Variants in DLG2 observed in about 807,000 individuals in gnomAD.
DLG2 encodes discs large MAGUK scaffold protein 2.
Under a neutral mutation model 132.5 loss-of-function variants are expected in DLG2, and 45 were observed. The observed-to-expected ratio is 0.34, with a 90% CI of 0.27 to 0.44. DLG2 has a LOEUF of 0.44. Among genes scored for constraint, DLG2 ranks in the 20% least tolerant of loss-of-function variants. DLG2 has a pLI of 1.00. For missense variants in DLG2, 1,045 were observed against 1,196.9 expected (o/e 0.87, Z 1.87); for synonymous variants, 424 against 419.6 (o/e 1.01, Z -0.13).
intron 6 of DLG2, among the ~76,000 whole-genome samples, chr11:85,108,071 A>C (rs1307769645): frequency 1.3e-5 from 2 of 151,642 alleles, no homozygotes; most frequent in Non-Finnish European, 2.9e-5. Flanking sequence ...AGCCATTTTC[A>C]AGGCAATATG....
intron 6 of DLG2, among the ~76,000 whole-genome samples, chr11:84,837,065 G>A (rs556382210): frequency 2.9e-4 from 44 of 151,808 alleles, no homozygotes; most frequent in African/African-American, 9.6e-4. Context: ...CTGTGTCCAT[G>A]TGTTCTCATT....
intron 3 of DLG2, among the ~76,000 whole-genome samples, chr11:85,543,421 A>G (rs2076102074): frequency 6.6e-6 from 1 of 152,232 alleles, no homozygotes; most frequent in Admixed American, 6.5e-5. Flanking sequence ...AGTCTTTGCT[A>G]GTGTGAACAA....
At chr11:85,608,517 T>C (rs1360811007) in intron 2 of DLG2, among the ~76,000 whole-genome samples, 1 of 152,138 alleles carries the variant, frequency 6.6e-6, no homozygotes, top group Non-Finnish European at 1.5e-5. Context: ...AAGCTTGCAA[T>C]TTACATCCCA....
chr11:83,943,777 T>C (rs955004403), intron 14 of DLG2, among the ~76,000 whole-genome samples: 2 of 152,172 alleles, frequency 1.3e-5, no homozygotes, highest in African/African-American at 4.8e-5. Flanking sequence ...AGAAAACACA[T>C]TGGGAGGCTA....
chr11:84,353,366 T>C (rs1187055848), intron 7 of DLG2, among the ~76,000 whole-genome samples: 3 of 152,172 alleles, frequency 2.0e-5, no homozygotes, highest in Non-Finnish European at 1.5e-5. Context: ...GTTCCCTCCC[T>C]TGGTGAATGA....
chr11:84,270,149 T>C (rs147636796), intron 7 of DLG2, among the ~76,000 whole-genome samples: 280 of 152,324 alleles, frequency 1.8e-3, no homozygotes, highest in African/African-American at 6.3e-3. Flanking sequence ...TATCCAAAAA[T>C]ACTGACTGCC....
chr11:83,759,328 G>A (rs1322636687), intron 18 of DLG2, among the ~76,000 whole-genome samples: 2 of 152,160 alleles, frequency 1.3e-5, no homozygotes, highest in African/African-American at 4.8e-5. Flanking sequence ...TCCAAATCAA[G>A]GCACATGCAT....
At chr11:84,325,568 G>A (rs1250984920) in intron 7 of DLG2, among the ~76,000 whole-genome samples, 2 of 152,034 alleles carry the variant, frequency 1.3e-5, no homozygotes, top group African/African-American at 4.8e-5. Flanking sequence ...AATTTCGTAT[G>A]TTGAACCATT....
chr11:84,812,976 G>T (rs1191774735), intron 6 of DLG2, among the ~76,000 whole-genome samples: 1 of 151,918 alleles, frequency 6.6e-6, no homozygotes, highest in African/African-American at 2.4e-5. Context: ...ATTTTCCCTT[G>T]TCTTGTTGGT....
intron 7 of DLG2, among the ~76,000 whole-genome samples, chr11:84,502,773 T>C (rs969302765): frequency 2.6e-5 from 4 of 152,104 alleles, no homozygotes; most frequent in Non-Finnish European, 4.4e-5. Flanking sequence ...CTACAGATTA[T>C]CCAGCCCTTT....
intron 15 of DLG2, among the ~76,000 whole-genome samples, chr11:83,910,076 C>G (rs2075788129): frequency 6.6e-6 from 1 of 152,106 alleles, no homozygotes; most frequent in Non-Finnish European, 1.5e-5. Context: ...ATTAAATGAA[C>G]AGTTCAGTAA....
intron 2 of DLG2, among the ~76,000 whole-genome samples, chr11:85,622,054 A>C (rs1298950183): frequency 6.6e-6 from 1 of 152,246 alleles, no homozygotes; most frequent in Non-Finnish European, 1.5e-5. Context: ...CACCCTGATC[A>C]GTTAGCAGCC....
At chr11:85,255,798 T>TA (rs1450738050) in intron 4 of DLG2, among the ~76,000 whole-genome samples, 3 of 152,050 alleles carry the variant, frequency 2.0e-5, no homozygotes, top group African/African-American at 7.2e-5. Context: ...AATAAAGAAT[T>TA]ACAAAAAGAG....
At chr11:85,403,611 C>T (rs894756732) in intron 3 of DLG2, among the ~76,000 whole-genome samples, 2 of 151,942 alleles carry the variant, frequency 1.3e-5, no homozygotes, top group African/African-American at 4.8e-5. Context: ...GTTGCATATG[C>T]CTAGAGTCTA....
intron 21 of DLG2, among the ~76,000 whole-genome samples, chr11:83,488,712 C>CAGAT (rs2093670170): frequency 6.6e-6 from 1 of 151,992 alleles, no homozygotes; most frequent in African/African-American, 2.4e-5. Flanking sequence ...ATACTGAGCT[C>CAGAT]AGATACGTCT....
chr11:85,339,423 C>G (rs190305476), intron 3 of DLG2, among the ~76,000 whole-genome samples: 62 of 152,192 alleles, frequency 4.1e-4, no homozygotes, highest in African/African-American at 1.5e-3. Flanking sequence ...TAATTTTTTA[C>G]TAGGTATTGT....
chr11:85,219,757 C>A (rs547775392), intron 4 of DLG2, among the ~76,000 whole-genome samples: 1 of 149,550 alleles, frequency 6.7e-6, no homozygotes, highest in Middle Eastern at 3.4e-3. Context: ...TCTGCAAAGA[C>A]CTTACTTCCA....
At chr11:84,072,352 CTGT>C (rs2096770320) in intron 10 of DLG2, among the ~76,000 whole-genome samples, 1 of 152,200 alleles carries the variant, frequency 6.6e-6, no homozygotes, top group African/African-American at 2.4e-5. Flanking sequence ...CCCGGGTTGT[CTGT>C]TAAGTACCTT....
intron 7 of DLG2, among the ~76,000 whole-genome samples, chr11:84,308,831 T>A (rs910109823): frequency 6.6e-6 from 1 of 152,062 alleles, no homozygotes; most frequent in African/African-American, 2.4e-5. Flanking sequence ...CCACTCCGAG[T>A]GCTGGGCCTG....
Sources: allele counts gnomAD v4.1 joint callset (sites outside exome capture counted in the v4.1 genomes callset), GRCh38; gene constraint gnomAD v4.1.1; transcripts MANE v1.5; gene names NCBI Gene and HGNC (gene_info 2026-07-23, HGNC 2026-07-21).